Variants in RORA observed in about 807,000 individuals in gnomAD.
RORA encodes the protein RAR related orphan receptor A.
In RORA, 7 loss-of-function variants were observed where a neutral mutation model predicts 69.5. The observed-to-expected ratio is 0.10, with a 90% CI of 0.06 to 0.19. The LOEUF is 0.19. Among genes scored for constraint, RORA ranks in the 10% least tolerant of loss-of-function variants. The probability of loss-of-function intolerance (pLI) is 1.00; values close to 1 mark genes in which losing one functional copy is unlikely to be tolerated. For synonymous variants in RORA, 261 were observed against 240.8 expected (o/e 1.08, Z -0.78); for missense variants, 457 against 663.0 (o/e 0.69, Z 3.41).
At chr15:61,062,202 C>T (rs543580406) in intron 1 of RORA, among the ~76,000 whole-genome samples, 1 of 152,296 alleles carries the variant, frequency 6.6e-6, no homozygotes, top group African/African-American at 2.4e-5. Flanking sequence ...AGGCCTTGTC[C>T]CCACACAGGG....
chr15:60,723,865 A>G (rs2071323950), intron 1 of RORA, among the ~76,000 whole-genome samples: 2 of 152,210 alleles, frequency 1.3e-5, no homozygotes, highest in East Asian at 3.9e-4. Context: ...AAAAGTTTGG[A>G]GTATGTGCAG....
intron 1 of RORA, among the ~76,000 whole-genome samples, chr15:61,225,066 A>AT (rs537173221): frequency 8.5e-5 from 13 of 152,172 alleles, no homozygotes; most frequent in East Asian, 7.7e-4. Flanking sequence ...TAATAATTCA[A>AT]TTTTTTTTAA....
At chr15:60,731,527 G>A (rs1025815781) in intron 1 of RORA, among the ~76,000 whole-genome samples, 19 of 152,196 alleles carry the variant, frequency 1.2e-4, no homozygotes, top group African/African-American at 4.6e-4. Flanking sequence ...ATTAGCCGAA[G>A]AATCAGTCCC....
At chr15:61,140,396 T>C (rs2079286966) in intron 1 of RORA, among the ~76,000 whole-genome samples, 1 of 152,206 alleles carries the variant, frequency 6.6e-6, no homozygotes, top group African/African-American at 2.4e-5. Context: ...GCCAAAATTC[T>C]ACTCATCCTT....
intron 1 of RORA, among the ~76,000 whole-genome samples, chr15:60,686,410 T>C (rs1478290940): frequency 6.6e-6 from 1 of 152,256 alleles, no homozygotes; most frequent in Non-Finnish European, 1.5e-5. Flanking sequence ...TTAGTACTTA[T>C]GTATAGTAAG....
At chr15:60,996,785 C>T (rs7497567) in intron 1 of RORA, among the ~76,000 whole-genome samples, 34,313 of 151,708 alleles carry the variant, frequency 0.23, 4,263 homozygotes, top group East Asian at 0.39. Flanking sequence ...TGGCAGGCGC[C>T]TGTAGTCGCA....
At chr15:61,182,668 T>C (rs2079698415) in intron 1 of RORA, among the ~76,000 whole-genome samples, 1 of 152,220 alleles carries the variant, frequency 6.6e-6, no homozygotes, top group Non-Finnish European at 1.5e-5. Context: ...TATCTGTTGG[T>C]TACAAAGGGA....
At chr15:60,664,356 A>G (rs2070350644) in intron 2 of RORA, among the ~76,000 whole-genome samples, 1 of 152,172 alleles carries the variant, frequency 6.6e-6, no homozygotes, top group South Asian at 2.1e-4. Context: ...GACAGCTTCT[A>G]CTTTGATTGC....
chr15:60,961,586 G>C (rs1893415469), intron 1 of RORA, among the ~76,000 whole-genome samples: 1 of 152,130 alleles, frequency 6.6e-6, no homozygotes, highest in African/African-American at 2.4e-5. Flanking sequence ...GATATGAATG[G>C]GCAGGAGCCT....
At chr15:60,804,131 A>G (rs562576230) in intron 1 of RORA, among the ~76,000 whole-genome samples, 2 of 151,974 alleles carry the variant, frequency 1.3e-5, no homozygotes, top group Non-Finnish European at 2.9e-5. Flanking sequence ...TCTACTAAAA[A>G]TACAAAATTA....
At chr15:60,592,465 G>A (rs748475733) in intron 2 of RORA, 5 of 1,380,340 alleles carry the variant, frequency 3.6e-6, no homozygotes, top group East Asian at 3.2e-5. Context: ...GTCCGACCCC[G>A]GAGCCCCCTC....
intron 1 of RORA, among the ~76,000 whole-genome samples, chr15:60,907,545 G>A (rs1891580558): frequency 6.6e-6 from 1 of 152,148 alleles, no homozygotes; most frequent in Non-Finnish European, 1.5e-5. Flanking sequence ...CTTCATTTGT[G>A]AATTATTCGT....
chr15:60,597,750 C>A (rs2068729724), intron 2 of RORA, among the ~76,000 whole-genome samples: 1 of 148,922 alleles, frequency 6.7e-6, no homozygotes, highest in African/African-American at 2.5e-5. Context: ...ATCGGGCAAG[C>A]CATTTTACCT....
At chr15:60,737,152 G>T (rs1253819878) in intron 1 of RORA, among the ~76,000 whole-genome samples, 2 of 152,138 alleles carry the variant, frequency 1.3e-5, no homozygotes, top group African/African-American at 4.8e-5. Flanking sequence ...GTTAGGGAAG[G>T]TATCAAATTG....
intron 1 of RORA, among the ~76,000 whole-genome samples, chr15:61,182,141 G>A (rs1024093916): frequency 6.6e-6 from 1 of 152,140 alleles, no homozygotes; most frequent in Non-Finnish European, 1.5e-5. Flanking sequence ...TAGAGGTAGA[G>A]TTTTAGCCAA....
intron 1 of RORA, among the ~76,000 whole-genome samples, chr15:60,889,044 C>T (rs1289128626): frequency 6.6e-6 from 1 of 152,198 alleles, no homozygotes; most frequent in African/African-American, 2.4e-5. Context: ...AAAATGGGGC[C>T]ACCTCAGAGG....
intron 1 of RORA, among the ~76,000 whole-genome samples, chr15:61,159,169 A>G (rs1053682797): frequency 2.0e-5 from 3 of 152,142 alleles, no homozygotes; most frequent in African/African-American, 7.2e-5. Flanking sequence ...AGATCCTCCT[A>G]CACAGAATGA....
intron 1 of RORA, among the ~76,000 whole-genome samples, chr15:60,936,859 G>C (rs922776): frequency 0.16 from 24,242 of 152,238 alleles, 2,005 homozygotes; most frequent in Admixed American, 0.2. Flanking sequence ...AGGACTGTCT[G>C]TAAAACCATT....
At chr15:61,034,188 G>C (rs1052533997) in intron 1 of RORA, among the ~76,000 whole-genome samples, 1 of 152,154 alleles carries the variant, frequency 6.6e-6, no homozygotes, top group Admixed American at 6.5e-5. Flanking sequence ...ATCCTAGAAG[G>C]AAGAAATGTG....
Sources: allele counts gnomAD v4.1 joint callset (sites outside exome capture counted in the v4.1 genomes callset), GRCh38; gene constraint gnomAD v4.1.1; transcripts MANE v1.5; gene names NCBI Gene and HGNC (gene_info 2026-07-23, HGNC 2026-07-21).